Variants in ZNF569 observed in about 807,000 individuals in gnomAD.
ZNF569 encodes the protein DNA-binding protein.
ZNF569 carries 38 observed loss-of-function variants against 56.3 expected under a neutral mutation model. The ratio of observed to expected loss-of-function variants is 0.68; its 90% CI spans 0.52 to 0.88. The LOEUF (loss-of-function observed/expected upper bound fraction) is 0.88, where lower values mean the gene tolerates loss of function less well. ZNF569 is among the 40% of genes least tolerant of loss of function. ZNF569 has a pLI of 0.00. For synonymous variants in ZNF569, 241 were observed against 262.9 expected (o/e 0.92, Z 0.81); for missense variants, 666 against 809.2 (o/e 0.82, Z 2.15).
At chr19:37,418,884 T>C (rs1369998652) in intron 5 of ZNF569, among the ~76,000 whole-genome samples, 1 of 152,188 alleles carries the variant, frequency 6.6e-6, no homozygotes, top group Non-Finnish European at 1.5e-5. Flanking sequence ...ACGTACTTAA[T>C]AAGGCTGAGA....
intron 3 of ZNF569, among the ~76,000 whole-genome samples, chr19:37,433,484 A>T (rs1283998647): frequency 6.6e-6 from 1 of 152,210 alleles, no homozygotes; most frequent in Non-Finnish European, 1.5e-5. Context: ...AGATATTGAT[A>T]TTCAAGTACA....
chr19:37,425,318 A>ATTTTTTTTTTTTTTTTT (rs770808954), intron 5 of ZNF569, among the ~76,000 whole-genome samples: 1 of 104,148 alleles, frequency 9.6e-6, no homozygotes, highest in Non-Finnish European at 1.8e-5. Context: ...CACGTGGCTA[A>ATTTTTTTTTTTTTTTTT]TTTTTTTTTT....
At chr19:37,441,054 T>C (rs1600324551) in intron 3 of ZNF569, among the ~76,000 whole-genome samples, 1 of 152,262 alleles carries the variant, frequency 6.6e-6, no homozygotes, top group East Asian at 1.9e-4. Context: ...TTTTAATCTA[T>C]GTTTCCTTAT....
chr19:37,414,048 G>C lies in ZNF569; in HGVS notation c.610C>G (p.His204Asp). ...GFNQTLDLIR[H>D]LRIHTGEKPY... ...TTCTCTCCAGTATGAATTCTCAGAT[G>C]TCTGATGAGGTCCAAAGTCTGATTG... is the stretch of plus-strand genomic sequence containing the variant. Residue 204 changes from histidine (H) to aspartate (D), a missense_variant, in exon 6 of 6, where the codon CAT (histidine) becomes GAT (aspartate). Physicochemically the swap from His to Asp is moderately conservative, Grantham distance 81. Transcript: ENST00000316950. 1 of 1,613,516 alleles carries C rather than the reference G, an allele frequency of 6.2e-7. No individual in the cohort carries two copies. The highest frequency in any genetic ancestry group is 1.3e-5 in the African/African-American group (1 of 75,012).
Position 37,414,263 on chromosome 19 carries a change from G to C in ZNF569, c.395C>G (p.Ser132Cys). The change falls in exon 6 of 6, where the codon TCC becomes TGC. Residue 132 changes from serine (S) to cysteine (C), a missense_variant. Transcript: ENST00000316950. Reference protein sequence around the residue: ...VFPLNSDFFPSRHNLYEYDLF... With the variant: ...VFPLNSDFFPCRHNLYEYDLF... ...GTCATACTCATAGAGATTGTGTCTG[G>C]AAGGGAAAAAATCAGAGTTCAGAGG... The C allele has an allele frequency of 6.2e-7, 1 of 1,613,370 alleles. No homozygotes were observed. The highest frequency in any genetic ancestry group is 8.5e-7 in the Non-Finnish European group (1 of 1,179,714).
At chr19:37,417,836 G>A (rs1202974284) in intron 5 of ZNF569, among the ~76,000 whole-genome samples, 1 of 152,098 alleles carries the variant, frequency 6.6e-6, no homozygotes, top group Non-Finnish European at 1.5e-5. Context: ...CTGGCCGGGT[G>A]CGATGGCACA....
intron 5 of ZNF569, among the ~76,000 whole-genome samples, chr19:37,420,326 A>G (rs1010704376): frequency 2.0e-5 from 3 of 151,868 alleles, no homozygotes; most frequent in African/African-American, 7.3e-5. Flanking sequence ...ACATTGATTG[A>G]CTTTTCTTTC....
At chr19:37,442,120 C>T (rs1236741706) in intron 3 of ZNF569, among the ~76,000 whole-genome samples, 1 of 152,064 alleles carries the variant, frequency 6.6e-6, no homozygotes, top group Non-Finnish European at 1.5e-5. Context: ...TTAGATTCTA[C>T]TTTGGGGACA....
In ZNF569 at chr19:37,414,248, T is replaced by C. The variant is rs751650319; in HGVS notation, c.410A>G (p.Tyr137Cys). 5 of 1,613,470 alleles carry C rather than the reference T, an allele frequency of 3.1e-6. No homozygotes were observed. Among genetic ancestry groups the C allele is most frequent in the Non-Finnish European group, 2.5e-6 (3 of 1,179,774 alleles). ...SDFFPSRHNL[Y>C]EYDLFGKCLE... ...ACACTTTCCAAATAAGTCATACTCA[T>C]AGAGATTGTGTCTGGAAGGGAAAAA... The change falls in exon 6 of 6, where the codon TAT (tyrosine) becomes TGT (cysteine). Residue 137 changes from tyrosine (Y) to cysteine (C), a missense_variant. Tyr to Cys is a radical substitution (Grantham distance 194, BLOSUM62 -2). Coordinates refer to ENST00000316950, the MANE Select transcript of ZNF569 (RefSeq NM_152484.3).
chr19:37,413,082 C>T lies in ZNF569; in HGVS notation c.1576G>A (p.Glu526Lys). 1 of 1,613,818 alleles carries T rather than the reference C, an allele frequency of 6.2e-7. No individual in the cohort carries two copies. Among genetic ancestry groups the T allele is most frequent in the Non-Finnish European group, 8.5e-7 (1 of 1,179,872 alleles). The change falls in exon 6 of 6, where the codon GAA (glutamate) becomes AAA (lysine). Residue 526 changes from glutamate (E) to lysine (K), a missense_variant. Glu to Lys is a moderately conservative substitution (Grantham distance 56, BLOSUM62 1). Coordinates refer to ENST00000316950, the MANE Select transcript of ZNF569 (RefSeq NM_152484.3). ...HTGEKPYDCN[E>K]CGKAFSQIAS... Reference sequence around the variant, plus strand: ...ATTTGAGAGAAGGCTTTACCACATTCATTACAATCATAAGGTTTCTCTCCA... The same window carrying T: ...ATTTGAGAGAAGGCTTTACCACATTTATTACAATCATAAGGTTTCTCTCCA...
intron 5 of ZNF569, among the ~76,000 whole-genome samples, chr19:37,417,985 C>T (rs932572660): frequency 6.6e-6 from 1 of 151,906 alleles, no homozygotes; most frequent in Non-Finnish European, 1.5e-5. Context: ...CCTGTAGTCC[C>T]AGCTACTCGG....
At chr19:37,469,082 A>G (rs2041904954), upstream of ZNF569, 2 of 1,022,470 alleles carry the variant, frequency 2.0e-6, no homozygotes, top group Non-Finnish European at 2.3e-6. Context: ...CAGCCCGTGT[A>G]GTGTGACGCT....
At chr19:37,437,488 C>A (rs2041330153) in intron 3 of ZNF569, among the ~76,000 whole-genome samples, 1 of 151,974 alleles carries the variant, frequency 6.6e-6, no homozygotes, top group Non-Finnish European at 1.5e-5. Flanking sequence ...CAAGAGAAAT[C>A]AGATAAGAGA....
chr19:37,437,484 A>T (rs1366900434), intron 3 of ZNF569, among the ~76,000 whole-genome samples: 1 of 152,164 alleles, frequency 6.6e-6, no homozygotes, highest in South Asian at 2.1e-4. Context: ...CTAGCAAGAG[A>T]AATCAGATAA....
intron 2 of ZNF569, among the ~76,000 whole-genome samples, chr19:37,450,914 T>G (rs1220479496): frequency 6.6e-6 from 1 of 152,232 alleles, no homozygotes; most frequent in Non-Finnish European, 1.5e-5. Flanking sequence ...TCAATATACT[T>G]CTGGATTTCT....
chr19:37,417,689 T>C (rs2040957224), intron 5 of ZNF569, among the ~76,000 whole-genome samples: 2 of 152,244 alleles, frequency 1.3e-5, no homozygotes, highest in African/African-American at 4.8e-5. Flanking sequence ...TATATCAGTT[T>C]AAAGCGGTTT....
intron 3 of ZNF569, among the ~76,000 whole-genome samples, chr19:37,438,274 T>G (rs2041346008): frequency 6.6e-6 from 1 of 152,060 alleles, no homozygotes; most frequent in Non-Finnish European, 1.5e-5. Context: ...GCACCTGTGG[T>G]ACTTGGGAAG....
At position 37,413,200 on chromosome 19, in the gene ZNF569, T is replaced by C. The variant is rs772036719; in HGVS notation, c.1458A>G (p.Lys486=). 46 of 1,607,556 alleles carry C rather than the reference T, an allele frequency of 2.9e-5. No homozygotes were observed. The East Asian group carries it at 9.8e-4, about 34-fold the overall frequency. Reference sequence around the variant, plus strand: ...CATAGGGTTTCTCTCCAGAATGAATTTTTTCATGAGCAATGAGATTTGATT... The same window carrying C: ...CATAGGGTTTCTCTCCAGAATGAATCTTTTCATGAGCAATGAGATTTGATT... ...SQKSNLIAHE[K]IHSGEKPYEC... Residue 486 remains lysine (K), a synonymous_variant, in exon 6 of 6, where the codon AAA becomes AAG. Transcript: ENST00000316950.
At chr19:37,440,850 G>A (rs1461769960) in intron 3 of ZNF569, among the ~76,000 whole-genome samples, 2 of 152,098 alleles carry the variant, frequency 1.3e-5, no homozygotes, top group Non-Finnish European at 2.9e-5. Flanking sequence ...TGTAGATGAA[G>A]ACTTAATATG....
Sources: allele counts gnomAD v4.1 joint callset (sites outside exome capture counted in the v4.1 genomes callset), GRCh38; gene constraint gnomAD v4.1.1; transcripts MANE v1.5; gene names NCBI Gene and HGNC (gene_info 2026-07-23, HGNC 2026-07-21).